Variants in DROSHA observed in about 807,000 individuals in gnomAD.
The protein encoded by DROSHA is ribonuclease 3.
In DROSHA, 56 loss-of-function variants were observed where a neutral mutation model predicts 181.9. The observed-to-expected ratio is 0.31, with a 90% CI of 0.25 to 0.38. DROSHA has a LOEUF of 0.38. Among genes scored for constraint, DROSHA ranks in the 10% least tolerant of loss-of-function variants. The pLI, the probability that DROSHA is intolerant of heterozygous loss-of-function variation, is 1.00. For missense variants in DROSHA, 1,218 were observed against 1,743.5 expected, an observed-to-expected ratio of 0.70 and a Z score of 5.37; for synonymous variants, 524 against 591.2, an observed-to-expected ratio of 0.89 and a Z score of 1.65.
At chr5:31,493,090 G>A (rs1383252164) in intron 13 of DROSHA, 117 bp downstream of exon 13, 4 of 1,039,110 alleles carry the variant, frequency 3.8e-6, no homozygotes, top group Non-Finnish European at 5.7e-6. Flanking sequence ...ACAATACAGA[G>A]GGATGCAGAG....
intron 21 of DROSHA, among the ~76,000 whole-genome samples, chr5:31,449,912 A>C (rs1322897686): frequency 6.6e-6 from 1 of 152,156 alleles, no homozygotes; most frequent in Non-Finnish European, 1.5e-5. Context: ...CTATATATCC[A>C]ACAAAGGACT....
chr5:31,494,970 G>T (rs567189751), intron 12 of DROSHA, among the ~76,000 whole-genome samples: 1 of 152,080 alleles, frequency 6.6e-6, no homozygotes, highest in African/African-American at 2.4e-5. Flanking sequence ...CACCGCGCCC[G>T]GCCACCATTC....
intron 16 of DROSHA, among the ~76,000 whole-genome samples, chr5:31,472,901 A>T (rs1199588097): frequency 6.6e-6 from 1 of 152,244 alleles, no homozygotes; most frequent in Non-Finnish European, 1.5e-5. Flanking sequence ...TCATTCAAGT[A>T]CCTTGGAAAA....
At chr5:31,473,919 G>C (rs1750053342) in intron 16 of DROSHA, among the ~76,000 whole-genome samples, 1 of 152,178 alleles carries the variant, frequency 6.6e-6, no homozygotes, top group African/African-American at 2.4e-5. Flanking sequence ...CTCATTAAGA[G>C]CTCTGGAGTT....
In DROSHA at chr5:31,514,581, G is replaced by C. The variant is rs1288556785; in HGVS notation, c.1290+407C>G. On this transcript the variant is annotated intron_variant, in intron 8 of 35. Coordinates refer to ENST00000344624, the MANE Select transcript of DROSHA (RefSeq NM_001382508.1). The surrounding 1 kb of genome is among the most constrained non-coding windows in gnomAD (Gnocchi z 4.4). ...AATCACTTGAGCCTGGAAGATCAAGGCTGCAGTGAGCCACGATGGTGCCAC... is the reference window on the plus strand; with the variant it reads ...AATCACTTGAGCCTGGAAGATCAAGCCTGCAGTGAGCCACGATGGTGCCAC... Among the ~76,000 whole-genome samples, 1 of 152,130 alleles carries C rather than the reference G, an allele frequency of 6.6e-6. No individual in the cohort carries two copies. Among genetic ancestry groups the C allele is most frequent in the Admixed American group, 6.5e-5 (1 of 15,272 alleles).
intron 19 of DROSHA, among the ~76,000 whole-genome samples, chr5:31,464,973 C>G (rs1054056955): frequency 6.6e-6 from 1 of 152,102 alleles, no homozygotes; most frequent in Non-Finnish European, 1.5e-5. Flanking sequence ...CCCCCACCCC[C>G]ACTATTGATT....
chr5:31,456,479 CACACACACACACACAG>C (rs1257384590), intron 20 of DROSHA, among the ~76,000 whole-genome samples: 1 of 151,400 alleles, frequency 6.6e-6, no homozygotes, highest in African/African-American at 2.4e-5. Context: ...CACACACACA[CACACACACACACACAG>C]ACACACACAC....
At chr5:31,525,421 TTGAACCCA>T (rs1344367098) in intron 5 of DROSHA, among the ~76,000 whole-genome samples, 3 of 148,166 alleles carry the variant, frequency 2.0e-5, no homozygotes, top group African/African-American at 7.5e-5. Flanking sequence ...AGAGAATTGC[TTGAACCCA>T]GGAGGTGGAG....
At chr5:31,440,852 C>T (rs992604455) in intron 23 of DROSHA, among the ~76,000 whole-genome samples, 1 of 152,056 alleles carries the variant, frequency 6.6e-6, no homozygotes, top group African/African-American at 2.4e-5. Context: ...AAGGCGATTT[C>T]AAGGCCATCT....
At chr5:31,435,593 C>G (rs534038765) in intron 25 of DROSHA, among the ~76,000 whole-genome samples, 172 bp downstream of exon 25, 25 of 152,270 alleles carry the variant, frequency 1.6e-4, no homozygotes, top group Non-Finnish European at 3.5e-4. Context: ...ACAAAGGTAA[C>G]AGAACTAATA....
At chr5:31,516,333 G>C (rs1739269096) in intron 6 of DROSHA, among the ~76,000 whole-genome samples, 1 of 152,204 alleles carries the variant, frequency 6.6e-6, no homozygotes, top group Non-Finnish European at 1.5e-5. Context: ...CAGAGACCTT[G>C]AGAATCCAGC....
At chr5:31,456,782 G>A (rs370754006) in intron 20 of DROSHA, among the ~76,000 whole-genome samples, 1 of 152,204 alleles carries the variant, frequency 6.6e-6, no homozygotes, top group East Asian at 1.9e-4. Flanking sequence ...GTTTTTTAGA[G>A]ACAGGGTTTC....
chr5:31,447,262 T>C (rs1047751025), intron 23 of DROSHA, among the ~76,000 whole-genome samples: 2 of 152,120 alleles, frequency 1.3e-5, no homozygotes, highest in African/African-American at 4.8e-5. Flanking sequence ...AGGGAGAGGA[T>C]AAGGAATAAT....
chr5:31,495,248 AT>A, intron 12 of DROSHA, 37 bp downstream of exon 12: 1 of 1,588,278 alleles, frequency 6.3e-7, no homozygotes, highest in Non-Finnish European at 8.6e-7. Context: ...CTCTATTTAC[AT>A]TTTAAATGAT....
rs1015426967 is a variant in DROSHA at position 31,484,306 on chromosome 5, G to A, written c.1996+575C>T. Among the ~76,000 whole-genome samples, 9 of 147,534 alleles carry A rather than the reference G, an allele frequency of 6.1e-5. No homozygotes were observed. The East Asian group carries it at 1.9e-3, about 31-fold the overall frequency. ...GGAGAATGGCGTGAACCCGGGAAGC[G>A]GAGCTTGCAGTGAGCCGAGATTGCG... is the stretch of plus-strand genomic sequence containing the variant. On this transcript the variant is annotated intron_variant, in intron 15 of 35. Coordinates refer to ENST00000344624, the MANE Select transcript of DROSHA (RefSeq NM_001382508.1).
rs556515221 is a variant in DROSHA, at chr5:31,439,503, T to TACCTA, written c.2883-2206_2883-2205insTAGGT. Among the ~76,000 whole-genome samples the TACCTA allele has an allele frequency of 2.2e-3, 328 of 152,290 alleles. 1 individual carries two copies. Among genetic ancestry groups the TACCTA allele is most frequent in the African/African-American group, 7.6e-3 (315 of 41,562 alleles). The stretch of plus-strand genomic sequence containing the variant: ...TTTACTTTTATTTTAGGTTCAGGGG[T>TACCTA]ACCTGTGCAGGTTTGTTACATAGGT... On this transcript the variant is annotated intron_variant, in intron 23 of 35. Transcript: ENST00000344624.
chr5:31,461,740 AT>A (rs1320931882), intron 20 of DROSHA, among the ~76,000 whole-genome samples: 1 of 149,072 alleles, frequency 6.7e-6, no homozygotes, highest in Non-Finnish European at 1.5e-5. Flanking sequence ...CCTAAATCAT[AT>A]TCCCCTAAAC....
chr5:31,497,485 C>T (rs1283948093), intron 11 of DROSHA, among the ~76,000 whole-genome samples: 1 of 152,236 alleles, frequency 6.6e-6, no homozygotes, highest in Non-Finnish European at 1.5e-5. Context: ...TCCCCCCTTA[C>T]TATGGGCCTG....
chr5:31,428,556 T>C (rs1743761691), intron 27 of DROSHA, among the ~76,000 whole-genome samples: 1 of 152,180 alleles, frequency 6.6e-6, no homozygotes, highest in African/African-American at 2.4e-5. Context: ...ATAAAAATCA[T>C]CACATATCTC....
Sources: allele counts gnomAD v4.1 joint callset (sites outside exome capture counted in the v4.1 genomes callset), GRCh38; gene constraint gnomAD v4.1.1; non-coding constraint Gnocchi (gnomAD v3.1); transcripts MANE v1.5; gene names NCBI Gene and HGNC (gene_info 2026-07-23, HGNC 2026-07-21).